The following STOX2 variants were observed in gnomAD, a reference collection of about 807,000 sequenced individuals.
STOX2 encodes the protein storkhead box 2.
Under a neutral mutation model 60.9 loss-of-function variants are expected in STOX2, and 28 were observed. That is an observed-to-expected ratio of 0.46 (90% CI 0.34 to 0.63). STOX2 has a LOEUF of 0.63. Ranked by LOEUF, STOX2 falls within the 30% of genes least tolerant of loss-of-function variation. The pLI is 0.01. For missense variants in STOX2, 1,024 were observed against 1,187.7 expected (o/e 0.86, Z 2.03); for synonymous variants, 472 against 463.9 (o/e 1.02, Z -0.22).
chr4:184,007,950 T>C (rs754360259), intron 2 of STOX2, among the ~76,000 whole-genome samples: 2 of 152,230 alleles, frequency 1.3e-5, no homozygotes, highest in African/African-American at 2.4e-5. Flanking sequence ...GATTTCAGGA[T>C]ATAAATTGGG....
intron 1 of STOX2, among the ~76,000 whole-genome samples, chr4:183,984,290 T>C (rs1732762903): frequency 1.3e-5 from 2 of 152,244 alleles, no homozygotes; most frequent in African/African-American, 4.8e-5. Context: ...GTGGAAGCCA[T>C]TGCTGACTGT....
At chr4:183,892,470 C>T (rs947760893) in intron 1 of STOX2, among the ~76,000 whole-genome samples, 1 of 152,040 alleles carries the variant, frequency 6.6e-6, no homozygotes, top group Non-Finnish European at 1.5e-5. Context: ...TTAGTAGAGA[C>T]GGGGTTTCAC....
chr4:183,897,530 G>T (rs1741365199), intron 1 of STOX2, among the ~76,000 whole-genome samples: 1 of 152,190 alleles, frequency 6.6e-6, no homozygotes. Flanking sequence ...TGGACACTGA[G>T]GTCATGGTGA....
At chr4:183,947,631 A>C (rs1244993416) in intron 1 of STOX2, among the ~76,000 whole-genome samples, 1 of 152,172 alleles carries the variant, frequency 6.6e-6, no homozygotes, top group African/African-American at 2.4e-5. Context: ...CTTATTGCTC[A>C]GTCCTCAATA....
At chr4:183,817,651 C>T (rs1478760586) in intron 1 of STOX2, among the ~76,000 whole-genome samples, 1 of 152,156 alleles carries the variant, frequency 6.6e-6, no homozygotes, top group South Asian at 2.1e-4. Context: ...CTCAAGACTT[C>T]GTGAGAGTGA....
intron 1 of STOX2, among the ~76,000 whole-genome samples, chr4:183,868,350 C>T (rs1414189274): frequency 1.3e-5 from 2 of 152,066 alleles, no homozygotes; most frequent in African/African-American, 4.8e-5. Context: ...TGCTTGAGCT[C>T]AGGAGGTTGA....
chr4:183,831,059 G>A (rs989984008), intron 1 of STOX2, among the ~76,000 whole-genome samples: 1 of 151,948 alleles, frequency 6.6e-6, no homozygotes, highest in Non-Finnish European at 1.5e-5. Context: ...ACATGGGACC[G>A]AACTCCGGGC....
At chr4:183,849,302 T>G (rs894442116) in intron 1 of STOX2, among the ~76,000 whole-genome samples, 1 of 152,222 alleles carries the variant, frequency 6.6e-6, no homozygotes, top group Non-Finnish European at 1.5e-5. Flanking sequence ...TAGCAGCCAC[T>G]GCTACTGGGT....
chr4:183,979,302 C>T lies in STOX2; in HGVS notation c.167-22023C>T, dbSNP rs560272699. Among the ~76,000 whole-genome samples, 43 of 152,254 alleles carry T rather than the reference C, an allele frequency of 2.8e-4. No homozygotes were observed. In the South Asian group the frequency reaches 5.6e-3, roughly 20 times the overall value. On this transcript the variant is annotated intron_variant, in intron 1 of 3. Coordinates refer to ENST00000308497, the MANE Select transcript of STOX2 (RefSeq NM_020225.3). Reference sequence around the variant, plus strand: ...ACTCACTCACTCACTGTCACAAGAACGGTACCGAGGAGATGGTGTTAACTC... The same window carrying T: ...ACTCACTCACTCACTGTCACAAGAATGGTACCGAGGAGATGGTGTTAACTC...
In STOX2 at chr4:183,825,528, G is replaced by C. The variant is rs1030093162; in HGVS notation, c.364+27473G>C. Among the ~76,000 whole-genome samples, 14 of 152,218 alleles carry C rather than the reference G, an allele frequency of 9.2e-5. No individual in the cohort carries two copies. The highest frequency in any genetic ancestry group is 3.4e-4 in the African/African-American group (14 of 41,466). On this transcript the variant is annotated intron_variant, in intron 1 of 2. Coordinates refer to the STOX2 transcript ENST00000513034. This position sits in a 1 kb window ranked among gnomAD's most constrained non-coding sequence, Gnocchi z 4.1. ...AATAGACGTTCCTTCAGGCCCAAGT[G>C]CAGGCAGCCACCCTCGCTGTAGGTG... is the stretch of plus-strand genomic sequence containing the variant.
rs1388756429 is a variant in STOX2, at chr4:183,806,216, GTAATAA to G, written c.364+8163_364+8168del. Among the ~76,000 whole-genome samples the G allele has an allele frequency of 6.6e-6, 1 of 152,172 alleles. No individual in the cohort carries two copies. The highest frequency in any genetic ancestry group is 2.4e-5 in the African/African-American group (1 of 41,436). ...TTTCCCAATTTATTGTGAAGGCCCT[GTAATAA>G]TTTTCTAAAGTGACAGCCCATCTGT... On this transcript the variant is annotated intron_variant, in intron 1 of 2. Transcript: ENST00000513034. This position sits in a 1 kb window ranked among gnomAD's most constrained non-coding sequence, Gnocchi z 4.1.
intron 1 of STOX2, among the ~76,000 whole-genome samples, chr4:183,981,172 T>C (rs999810689): frequency 1.3e-5 from 2 of 152,244 alleles, no homozygotes; most frequent in African/African-American, 4.8e-5. Context: ...TCAAGATGAA[T>C]GTGGATGGTC....
intron 1 of STOX2, among the ~76,000 whole-genome samples, chr4:183,972,147 A>G (rs939235199): frequency 1.3e-5 from 2 of 152,204 alleles, no homozygotes; most frequent in African/African-American, 4.8e-5. Context: ...CTGGGCAGAC[A>G]TCCAAAACTG....
chr4:183,810,744 C>T (rs1246859473), intron 1 of STOX2, among the ~76,000 whole-genome samples: 1 of 151,172 alleles, frequency 6.6e-6, no homozygotes, highest in East Asian at 1.9e-4. Flanking sequence ...CATGCAATGG[C>T]TTCTCCCATG....
chr4:183,915,224 G>A (rs1045732459), intron 1 of STOX2, among the ~76,000 whole-genome samples: 2 of 152,170 alleles, frequency 1.3e-5, no homozygotes, highest in African/African-American at 2.4e-5. Context: ...TCTGATGGCC[G>A]TAGTTTCAGA....
intron 1 of STOX2, among the ~76,000 whole-genome samples, chr4:183,980,290 G>A (rs1230754581): frequency 1.3e-5 from 2 of 152,186 alleles, no homozygotes; most frequent in Non-Finnish European, 2.9e-5. Flanking sequence ...GCTGTGATAC[G>A]AAAGGTGTAG....
chr4:183,989,169 G>GTTTTTTTTTTTTTTTT (rs11421201), intron 1 of STOX2, among the ~76,000 whole-genome samples: 1 of 80,010 alleles, frequency 1.2e-5, no homozygotes, highest in East Asian at 3.7e-4. Context: ...ATTTTTTCTG[G>GTTTTTTTTTTTTTTTT]TTTTTTTTTT....
At chr4:183,931,352 A>C (rs1448070753) in intron 1 of STOX2, among the ~76,000 whole-genome samples, 1 of 152,154 alleles carries the variant, frequency 6.6e-6, no homozygotes, top group Non-Finnish European at 1.5e-5. Flanking sequence ...TGAACCCAGA[A>C]TGTGGAGGTT....
chr4:183,989,296 G>A (rs1322782872), intron 1 of STOX2, among the ~76,000 whole-genome samples: 4 of 149,822 alleles, frequency 2.7e-5, no homozygotes, highest in Admixed American at 6.8e-5. Flanking sequence ...TCCGCTTCCC[G>A]GGTTCAAGCG....
Sources: allele counts gnomAD v4.1 joint callset (sites outside exome capture counted in the v4.1 genomes callset), GRCh38; gene constraint gnomAD v4.1.1; non-coding constraint Gnocchi (gnomAD v3.1); transcripts MANE v1.5; gene names NCBI Gene and HGNC (gene_info 2026-07-23, HGNC 2026-07-21).